Variants in RNF6 observed in about 807,000 individuals in gnomAD.
RNF6 encodes the protein ring finger protein 6.
Under a neutral mutation model 50.1 loss-of-function variants are expected in RNF6, and 21 were observed. The ratio of observed to expected loss-of-function variants is 0.42; its 90% CI spans 0.30 to 0.60. The LOEUF is 0.60. Ranked by LOEUF, RNF6 falls within the 20% of genes least tolerant of loss-of-function variation. The probability of loss-of-function intolerance (pLI) is 0.20; values close to 1 mark genes in which losing one functional copy is unlikely to be tolerated. For missense variants in RNF6, 698 were observed against 838.2 expected (o/e 0.83, Z 2.07); for synonymous variants, 255 against 291.8 (o/e 0.87, Z 1.29).
At position 26,221,340 on chromosome 13, in the gene RNF6, TAA is replaced by T. The variant is rs1294535533; in HGVS notation, c.-101-12_-101-11del. 6.6e-6 allele frequency: 1 copy of T among 152,178 alleles called. No homozygotes were observed. The highest frequency in any genetic ancestry group is 1.9e-4 in the East Asian group (1 of 5,194). 9.4% of individuals were successfully genotyped at this position (152,178 alleles called of 1,614,324 possible). ...TTTGAGAGCTGCCCATCTGAAGCAA[TAA>T]AAGAGAGTTGAATAATTCAATAAAC... On this transcript the variant is annotated splice_polypyrimidine_tract_variant and intron_variant, in intron 1 of 4. Coordinates refer to ENST00000381588, the MANE Select transcript of RNF6 (RefSeq NM_005977.4).
chr13:26,199,287 A>G (rs1868802349), intron 5 of RNF6, among the ~76,000 whole-genome samples: 1 of 152,216 alleles, frequency 6.6e-6, no homozygotes, highest in Non-Finnish European at 1.5e-5. Context: ...ATAGTCTTTT[A>G]ACATATGCTG....
chr13:26,188,192 A>G (rs189731209), intron 5 of RNF6, among the ~76,000 whole-genome samples: 1 of 152,238 alleles, frequency 6.6e-6, no homozygotes. Context: ...AGGCGAAGTG[A>G]CCTCAATTGC....
chr13:26,184,018 A>ATATATATAT (rs1335766541), intron 5 of RNF6, among the ~76,000 whole-genome samples: 2 of 33,940 alleles, frequency 5.9e-5, no homozygotes, highest in African/African-American at 1.9e-4. Flanking sequence ...ATATATATAT[A>ATATATATAT]TTTTTTTTTT....
At chr13:26,133,682 T>C (rs1870503588) in intron 5 of RNF6, among the ~76,000 whole-genome samples, 1 of 152,218 alleles carries the variant, frequency 6.6e-6, no homozygotes, top group South Asian at 2.1e-4. Context: ...ATGTTTCTTG[T>C]ACTTTCTATT....
intron 5 of RNF6, among the ~76,000 whole-genome samples, chr13:26,163,710 A>G (rs1432185449): frequency 1.3e-5 from 2 of 152,114 alleles, no homozygotes; most frequent in Non-Finnish European, 2.9e-5. Flanking sequence ...TCCTGCATCT[A>G]AATCTCCCTG....
At chr13:26,196,116 A>G (rs1014994224) in intron 5 of RNF6, among the ~76,000 whole-genome samples, 3 of 152,240 alleles carry the variant, frequency 2.0e-5, no homozygotes, top group African/African-American at 7.2e-5. Flanking sequence ...CAAACAAAAT[A>G]CATTCAAATA....
Position 26,214,237 on chromosome 13 carries a change from T to C in RNF6, c.1645A>G (p.Met549Val). 6.2e-7 allele frequency: 1 copy of C among 1,614,222 alleles called. No homozygotes were observed. The highest frequency in any genetic ancestry group is 8.5e-7 in the Non-Finnish European group (1 of 1,180,046). Residue 549 changes from methionine (M) to valine (V), a missense_variant, in exon 5 of 5, where the codon ATG (methionine) becomes GTG (valine). Transcript: ENST00000381588. Reference protein sequence around the residue: ...DRQAQGDSTEMHGENETTQPH... With the variant: ...DRQAQGDSTEVHGENETTQPH... The stretch of plus-strand genomic sequence containing the variant: ...TGGGTGGTCTCGTTTTCACCATGCA[T>C]TTCAGTGCTGTCTCCTTGGGCCTGC...
At chr13:26,210,227 G>A (rs373557528), downstream of RNF6, among the ~76,000 whole-genome samples, 14 of 152,328 alleles carry the variant, frequency 9.2e-5, no homozygotes, top group East Asian at 2.1e-3. Flanking sequence ...CTGAATGAGA[G>A]ACCCCAAGTG....
intron 5 of RNF6, among the ~76,000 whole-genome samples, chr13:26,185,755 G>T (rs1873488746): frequency 6.6e-6 from 1 of 152,106 alleles, no homozygotes; most frequent in South Asian, 2.1e-4. Context: ...TCAAAAAAAA[G>T]TTGTTACTTA....
At chr13:26,167,207 A>G (rs1872494346) in intron 5 of RNF6, among the ~76,000 whole-genome samples, 1 of 152,250 alleles carries the variant, frequency 6.6e-6, no homozygotes, top group African/African-American at 2.4e-5. Flanking sequence ...GACTAATGGG[A>G]TCTAATTAAA....
At chr13:26,203,686 G>T (rs1020882294) in intron 5 of RNF6, among the ~76,000 whole-genome samples, 3 of 152,240 alleles carry the variant, frequency 2.0e-5, no homozygotes, top group African/African-American at 7.2e-5. Context: ...TGCAGGCTGG[G>T]CGCAGTGGCT....
At chr13:26,162,559 G>A (rs1162877672) in intron 5 of RNF6, among the ~76,000 whole-genome samples, 1 of 152,148 alleles carries the variant, frequency 6.6e-6, no homozygotes, top group Non-Finnish European at 1.5e-5. Flanking sequence ...TTGTACCAGG[G>A]CAGAACTACT....
At position 26,160,356 on chromosome 13, in the gene RNF6, A is replaced by G. The variant is rs148423850; in HGVS notation, n.769-27905T>C. Among the ~76,000 whole-genome samples the G allele has an allele frequency of 1.8e-3, 281 of 152,094 alleles. 1 individual carries two copies. Among genetic ancestry groups the G allele is most frequent in the African/African-American group, 6.3e-3 (263 of 41,500 alleles). ...CATCATCATAATTTTACAATTTTAT[A>G]AGTTTATTAAAAGTTCTCTATTTTC... is the stretch of plus-strand genomic sequence containing the variant. On this transcript the variant is annotated intron_variant and non_coding_transcript_variant, in intron 5 of 5. Transcript: ENST00000468480.
At chr13:26,136,038 C>A (rs1426528040) in intron 5 of RNF6, among the ~76,000 whole-genome samples, 1 of 152,146 alleles carries the variant, frequency 6.6e-6, no homozygotes, top group Non-Finnish European at 1.5e-5. Flanking sequence ...AACCTCTTTT[C>A]TTTATAAATT....
chr13:26,222,012 T>C lies in RNF6; in HGVS notation c.-111A>G, dbSNP rs1309855479. 2 of 152,262 alleles carry C rather than the reference T, an allele frequency of 1.3e-5. No homozygotes were observed. Among genetic ancestry groups the C allele is most frequent in the African/African-American group, 4.8e-5 (2 of 41,452 alleles). 9.4% of individuals were successfully genotyped at this position (152,262 alleles called of 1,614,324 possible). ...TTTCCCTCGAGCCCACCTCTCCAGG[T>C]CTTGGGCCTTCGCCCTCCTGTCCGG... On this transcript the variant is annotated 5_prime_UTR_variant, in exon 1 of 5. Coordinates refer to ENST00000381588, the MANE Select transcript of RNF6 (RefSeq NM_005977.4).
intron 5 of RNF6, among the ~76,000 whole-genome samples, chr13:26,135,929 T>G (rs1216330812): frequency 6.6e-6 from 1 of 152,180 alleles, no homozygotes; most frequent in Non-Finnish European, 1.5e-5. Flanking sequence ...CTGGCTCCCC[T>G]TGGCCTTCCA....
chr13:26,157,882 AGATGGATGGATGGATG>A (rs61591240), intron 5 of RNF6, among the ~76,000 whole-genome samples: 6 of 149,198 alleles, frequency 4.0e-5, no homozygotes, highest in South Asian at 2.2e-4. Context: ...AGAGAAAAAG[AGATGGATGGATGGATG>A]GATGGATGGA....
At chr13:26,157,076 G>C (rs73482854) in intron 5 of RNF6, among the ~76,000 whole-genome samples, 2,666 of 152,230 alleles carry the variant, frequency 0.018, 72 homozygotes, top group African/African-American at 0.06. Flanking sequence ...CTGGGGAAAC[G>C]GGGAATGACT....
At chr13:26,198,774 A>G (rs1286182296) in intron 5 of RNF6, among the ~76,000 whole-genome samples, 1 of 152,068 alleles carries the variant, frequency 6.6e-6, no homozygotes, top group Non-Finnish European at 1.5e-5. Context: ...TAAATAAGTA[A>G]ATTTAGCAAG....
Sources: allele counts gnomAD v4.1 joint callset (sites outside exome capture counted in the v4.1 genomes callset), GRCh38; gene constraint gnomAD v4.1.1; transcripts MANE v1.5; gene names NCBI Gene and HGNC (gene_info 2026-07-23, HGNC 2026-07-21).